MAMDC2: variants seen among roughly 807,000 people sequenced by gnomAD.
MAMDC2 encodes the protein MAM domain containing 2.
In MAMDC2, 57 loss-of-function variants were observed where a neutral mutation model predicts 89.8. That is an observed-to-expected ratio of 0.63 (90% CI 0.51 to 0.79). The LOEUF is 0.79. Among genes scored for constraint, MAMDC2 ranks in the 30% least tolerant of loss-of-function variants. The pLI, the probability that MAMDC2 is intolerant of heterozygous loss-of-function variation, is 0.00. For synonymous variants in MAMDC2, 313 were observed against 293.4 expected, an observed-to-expected ratio of 1.07 and a Z score of -0.68; for missense variants, 800 against 820.6, an observed-to-expected ratio of 0.97 and a Z score of 0.31.
chr9:70,205,265 A>G (rs377761413), intron 11 of MAMDC2, among the ~76,000 whole-genome samples: 3 of 152,134 alleles, frequency 2.0e-5, no homozygotes, highest in African/African-American at 7.2e-5. Flanking sequence ...ACCACCATCC[A>G]TCTCCAGAGC....
At chr9:70,197,034 C>T (rs2118617033) in intron 11 of MAMDC2, among the ~76,000 whole-genome samples, 1 of 148,516 alleles carries the variant, frequency 6.7e-6, no homozygotes, top group East Asian at 2.0e-4. Context: ...CATTCTAAAT[C>T]TGTCTGCTAT....
intron 7 of MAMDC2, among the ~76,000 whole-genome samples, chr9:70,136,297 G>A (rs923457079): frequency 5.3e-5 from 8 of 152,134 alleles, no homozygotes; most frequent in African/African-American, 1.4e-4. Context: ...AGAGTATGTA[G>A]CCTTTTCAGA....
chr9:70,044,203 G>T lies in MAMDC2; in HGVS notation c.6G>T (p.Leu2=), dbSNP rs780104868. M[L]LRGVLLALQA... ...ATCCTCCCTGAAACGCGACCATGCTGTTAAGGGGCGTCCTCCTGGCGTTGC... is the reference window on the plus strand; with the variant it reads ...ATCCTCCCTGAAACGCGACCATGCTTTTAAGGGGCGTCCTCCTGGCGTTGC... Residue 2 remains leucine (L), a synonymous_variant, in exon 1 of 14, where the codon CTG becomes CTT. Transcript: ENST00000377182. The T allele has an allele frequency of 7.4e-6, 12 of 1,613,592 alleles. No homozygotes were observed. The highest frequency in any genetic ancestry group is 1.3e-5 in the African/African-American group (1 of 74,924).
At chr9:70,049,177 C>T (rs996118675) in intron 2 of MAMDC2, among the ~76,000 whole-genome samples, 4 of 151,836 alleles carry the variant, frequency 2.6e-5, no homozygotes, top group Admixed American at 6.6e-5. Context: ...GCATCTGAGG[C>T]AGGCAGGTGG....
intron 9 of MAMDC2, among the ~76,000 whole-genome samples, chr9:70,158,431 A>G (rs1403285618): frequency 6.6e-6 from 1 of 151,718 alleles, no homozygotes; most frequent in African/African-American, 2.4e-5. Context: ...AAATATATAT[A>G]CCCATTTATA....
In MAMDC2 at chr9:70,170,571, A is replaced by G. The variant is rs746474947; in HGVS notation, c.1591A>G (p.Arg531Gly). 1.9e-6 allele frequency: 3 copies of G among 1,612,954 alleles called. No individual in the cohort carries two copies. The East Asian group carries it at 6.7e-5, about 36-fold the overall frequency. ...EKRNRSSWHR[R>G]RGETPTSYTG... ...AAGAAACCGGAGCAGCTGGCACAGG[A>G]GGAGGGGAGAAACTCCCACTTCCTA... The change falls in exon 11 of 14, where the codon AGG becomes GGG. Residue 531 changes from arginine to glycine, a missense_variant. Arg to Gly is a moderately radical substitution (Grantham distance 125). Coordinates refer to ENST00000377182, the MANE Select transcript of MAMDC2 (RefSeq NM_153267.5).
At chr9:70,194,923 C>T (rs117430382) in intron 11 of MAMDC2, among the ~76,000 whole-genome samples, 488 of 152,112 alleles carry the variant, frequency 3.2e-3, no homozygotes, top group Non-Finnish European at 5.5e-3. Flanking sequence ...TTACATTTAC[C>T]ACCAGGTAAT....
chr9:70,201,894 G>A (rs1353233216), intron 11 of MAMDC2, among the ~76,000 whole-genome samples: 1 of 139,408 alleles, frequency 7.2e-6, no homozygotes, highest in Non-Finnish European at 1.5e-5. Context: ...GGGATCGGTG[G>A]TGATATCCCC....
chr9:70,214,735 AGAG>A (rs2033414599), intron 11 of MAMDC2, among the ~76,000 whole-genome samples: 1 of 152,148 alleles, frequency 6.6e-6, no homozygotes, highest in African/African-American at 2.4e-5. Flanking sequence ...GGCGGTAAGA[AGAG>A]AAGTGACTGG....
intron 9 of MAMDC2, among the ~76,000 whole-genome samples, chr9:70,155,883 T>C (rs975618757): frequency 1.3e-5 from 2 of 152,210 alleles, no homozygotes; most frequent in African/African-American, 4.8e-5. Flanking sequence ...CCTCTTCCTC[T>C]TTGAATCTTT....
At chr9:70,094,411 A>C (rs1249201082) in intron 2 of MAMDC2, among the ~76,000 whole-genome samples, 1 of 152,242 alleles carries the variant, frequency 6.6e-6, no homozygotes, top group Non-Finnish European at 1.5e-5. Context: ...AGAAAGGCAG[A>C]GAATTGTGCA....
intron 2 of MAMDC2, among the ~76,000 whole-genome samples, chr9:70,069,534 G>A (rs1827352800): frequency 1.3e-5 from 2 of 152,084 alleles, no homozygotes; most frequent in African/African-American, 2.4e-5. Flanking sequence ...CATAGTCTTT[G>A]GATAATTTAT....
At chr9:70,180,825 T>C (rs941100657) in intron 11 of MAMDC2, among the ~76,000 whole-genome samples, 3 of 152,230 alleles carry the variant, frequency 2.0e-5, no homozygotes, top group African/African-American at 7.2e-5. Context: ...CTGATGGCAG[T>C]TTCTTTTGCT....
At chr9:70,187,306 T>C (rs2032778557) in intron 11 of MAMDC2, among the ~76,000 whole-genome samples, 2 of 152,110 alleles carry the variant, frequency 1.3e-5, no homozygotes, top group Non-Finnish European at 2.9e-5. Flanking sequence ...TTCTTTAGTT[T>C]GGGTATTTTC....
At chr9:70,157,835 T>C (rs1364319405) in intron 9 of MAMDC2, 3 of 152,176 alleles carry the variant, frequency 2.0e-5, no homozygotes, top group African/African-American at 7.2e-5. Context: ...ATAAATCTAA[T>C]AAATCAATAA....
chr9:70,124,999 C>G (rs1271238592), intron 5 of MAMDC2, among the ~76,000 whole-genome samples: 1 of 152,222 alleles, frequency 6.6e-6, no homozygotes, highest in Non-Finnish European at 1.5e-5. Context: ...GCATGAGTCA[C>G]TGCACCTGGC....
intron 2 of MAMDC2, chr9:70,089,084 A>G (rs934371765): frequency 6.6e-6 from 1 of 152,102 alleles, no homozygotes; most frequent in African/African-American, 2.4e-5. Context: ...ACATTTCCTG[A>G]AATCATGCAC....
intron 2 of MAMDC2, among the ~76,000 whole-genome samples, chr9:70,053,924 T>C (rs1007836226): frequency 2.6e-5 from 4 of 151,978 alleles, no homozygotes; most frequent in Non-Finnish European, 5.9e-5. Flanking sequence ...AAGCAGTAAA[T>C]AAAGCAACTT....
At chr9:70,122,946 T>G (rs1168790733) in intron 5 of MAMDC2, among the ~76,000 whole-genome samples, 1 of 152,090 alleles carries the variant, frequency 6.6e-6, no homozygotes, top group African/African-American at 2.4e-5. Flanking sequence ...GCTTGGTCAC[T>G]GCCTGGGAGC....
Sources: gnomAD v4.1 joint callset for allele counts (sites outside exome capture counted in the v4.1 genomes callset) on GRCh38, gnomAD v4.1.1 for gene constraint, MANE v1.5 for transcripts, NCBI Gene and HGNC (gene_info 2026-07-23, HGNC 2026-07-21) for gene names.